WDR7: variants seen among roughly 807,000 people sequenced by gnomAD.
WDR7 encodes WD repeat-containing protein 7.
A neutral mutation model predicts 169.4 loss-of-function variants in WDR7; 46 were observed. The observed-to-expected ratio is 0.27, with a 90% CI of 0.21 to 0.35. The LOEUF (loss-of-function observed/expected upper bound fraction) is 0.35. WDR7 is among the 10% of genes least tolerant of loss of function. The pLI, the probability that WDR7 is intolerant of heterozygous loss-of-function variation, is 1.00. For missense variants in WDR7, 1,534 were observed against 1,859.3 expected (o/e 0.83, Z 3.22); for synonymous variants, 612 against 666.8 (o/e 0.92, Z 1.27).
intron 26 of WDR7, among the ~76,000 whole-genome samples, chr18:56,994,271 G>A (rs1415039959): frequency 3.3e-5 from 5 of 152,070 alleles, no homozygotes; most frequent in African/African-American, 1.2e-4. Flanking sequence ...CGATTTGCCT[G>A]CCTCAGCCTC....
intron 12 of WDR7, among the ~76,000 whole-genome samples, chr18:56,710,065 G>A (rs761593547): frequency 4.7e-5 from 7 of 148,504 alleles, no homozygotes; most frequent in South Asian, 2.1e-4. Context: ...GTGCAGTGGC[G>A]CAATCTCGTC....
chr18:56,693,338 A>G (rs907952711), intron 9 of WDR7, among the ~76,000 whole-genome samples: 10 of 152,168 alleles, frequency 6.6e-5, no homozygotes, highest in African/African-American at 1.2e-4. Context: ...ATTTTCAGAT[A>G]GTACTTCATT....
chr18:57,027,221 C>T lies in WDR7; in HGVS notation c.*14C>T, dbSNP rs3745033. On this transcript the variant is annotated 3_prime_UTR_variant, in exon 28 of 28. Coordinates refer to ENST00000254442, the MANE Select transcript of WDR7 (RefSeq NM_015285.3). ...TTCATGGTCTAATGCTGCTGCCTGC[C>T]GCCGTGACTGCGTTTTAGTTCTCTA... 0.35 allele frequency: 561,205 copies of T among 1,603,580 alleles called. 102,181 individuals are homozygous for T. The highest frequency in any genetic ancestry group is 0.53 in the Admixed American group (31,093 of 58,534).
chr18:57,022,130 G>A (rs1036040003), intron 27 of WDR7, among the ~76,000 whole-genome samples: 6 of 152,188 alleles, frequency 3.9e-5, no homozygotes, highest in Admixed American at 1.3e-4. Flanking sequence ...CAGCACTGGT[G>A]TTTTCCACTC....
At chr18:56,826,059 G>A (rs1302580696) in intron 20 of WDR7, among the ~76,000 whole-genome samples, 1 of 152,190 alleles carries the variant, frequency 6.6e-6, no homozygotes, top group Admixed American at 6.5e-5. Flanking sequence ...TTGGGGTTGG[G>A]GGAGGGCAGG....
At chr18:57,035,772 C>T in the WDR7 span, 3 of 152,244 alleles carry the variant, frequency 2.0e-5, no homozygotes, top group Non-Finnish European at 1.5e-5. Flanking sequence ...GCCAGAGAGA[C>T]CAGACCTGCA....
chr18:56,903,687 T>G (rs933834646), intron 21 of WDR7, among the ~76,000 whole-genome samples: 2 of 152,150 alleles, frequency 1.3e-5, no homozygotes, highest in Non-Finnish European at 2.9e-5. Flanking sequence ...CCCAAAGTGC[T>G]GGGATTACAG....
At chr18:56,708,047 T>TTTC (rs2026000165) in intron 12 of WDR7, among the ~76,000 whole-genome samples, 1 of 150,896 alleles carries the variant, frequency 6.6e-6, no homozygotes, top group Non-Finnish European at 1.5e-5. Context: ...TTTTTTTTTT[T>TTTC]TTCTGAGACA....
chr18:56,790,756 A>G (rs879799021), intron 19 of WDR7, among the ~76,000 whole-genome samples: 1 of 152,100 alleles, frequency 6.6e-6, no homozygotes, highest in Non-Finnish European at 1.5e-5. Flanking sequence ...TGATACAAAT[A>G]TGTATTTTAA....
At chr18:57,010,162 C>T (rs1379902168) in intron 26 of WDR7, 2 of 985,286 alleles carry the variant, frequency 2.0e-6, no homozygotes, top group African/African-American at 1.7e-5. Flanking sequence ...CAGTATAAGA[C>T]TTCTAGCATG....
chr18:56,838,629 C>CTA (rs1322962141), intron 20 of WDR7, among the ~76,000 whole-genome samples: 1 of 152,032 alleles, frequency 6.6e-6, no homozygotes, highest in African/African-American at 2.4e-5. Context: ...TTTAATTTTG[C>CTA]TGTATATACT....
At chr18:56,727,746 C>T (rs1439767592) in intron 13 of WDR7, among the ~76,000 whole-genome samples, 1 of 152,138 alleles carries the variant, frequency 6.6e-6, no homozygotes, top group Admixed American at 6.5e-5. Context: ...TTCTTTTTGG[C>T]TTGTGTTGTT....
chr18:56,694,570 A>G (rs1393408126), intron 9 of WDR7, 49 bp from the exon 10 acceptor site: 1 of 1,528,340 alleles, frequency 6.5e-7, no homozygotes, highest in Admixed American at 1.9e-5. Context: ...TGTGTGAAAT[A>G]TTTTGATTAA....
chr18:56,905,464 T>G (rs2046462939), intron 21 of WDR7, among the ~76,000 whole-genome samples: 1 of 152,186 alleles, frequency 6.6e-6, no homozygotes, highest in African/African-American at 2.4e-5. Flanking sequence ...ATAGACAATT[T>G]TCAGAAGATA....
chr18:56,857,652 A>G (rs1185574667), intron 20 of WDR7, among the ~76,000 whole-genome samples: 1 of 152,164 alleles, frequency 6.6e-6, no homozygotes, highest in Non-Finnish European at 1.5e-5. Context: ...AGATACACAT[A>G]TATGTGTGTG....
chr18:56,831,084 A>C (rs1017501203), intron 20 of WDR7, among the ~76,000 whole-genome samples: 2 of 152,136 alleles, frequency 1.3e-5, no homozygotes, highest in African/African-American at 4.8e-5. Context: ...AGCCTGGGAG[A>C]GTCCCTGTAG....
Position 56,696,382 on chromosome 18 carries a change from T to A in WDR7, c.1498T>A (p.Phe500Ile). The A allele has an allele frequency of 6.2e-7, 1 of 1,614,134 alleles. No homozygotes were observed. The highest frequency in any genetic ancestry group is 8.5e-7 in the Non-Finnish European group (1 of 1,180,022). The change falls in exon 12 of 28, where the codon TTT (phenylalanine) becomes ATT (isoleucine). Residue 500 changes from phenylalanine to isoleucine, a missense_variant. Transcript: ENST00000254442. ...TTTTTCAGTCATAATTTGGGACATA[T>A]TTTCTGGAGAAATGAAACATATCTT... ...VDFSVIIWDI[F>I]SGEMKHIFCV...
At position 56,694,994 on chromosome 18, in the gene WDR7, A is replaced by C. The variant is rs761963400; in HGVS notation, c.1153A>C (p.Lys385Gln). 1.9e-5 allele frequency: 30 copies of C among 1,614,080 alleles called. No individual in the cohort carries two copies. The highest frequency in any genetic ancestry group is 2.7e-5 in the African/African-American group (2 of 74,946). The change falls in exon 11 of 28, where the codon AAA becomes CAA. Residue 385 changes from lysine to glutamine, a missense_variant. By Grantham distance (53) the Lys-to-Gln change is moderately conservative. Transcript: ENST00000254442. ...TATTAGTTTGCAAGAGGCATTTGAT[A>C]AACTGAATCCTTGTCCTGCTGGAAT... The part of the protein sequence containing the change: ...TSISLQEAFD[K>Q]LNPCPAGIID...
intron 14 of WDR7, among the ~76,000 whole-genome samples, chr18:56,747,549 G>A (rs1464131270): frequency 6.6e-6 from 1 of 152,172 alleles, no homozygotes; most frequent in African/African-American, 2.4e-5. Flanking sequence ...CCTACCTGAT[G>A]TGGGAGAAAA....
Sources: allele counts gnomAD v4.1 joint callset (sites outside exome capture counted in the v4.1 genomes callset), GRCh38; gene constraint gnomAD v4.1.1; transcripts MANE v1.5; gene names NCBI Gene and HGNC (gene_info 2026-07-23, HGNC 2026-07-21).